The following PRKACB variants were observed in gnomAD, a reference collection of about 807,000 sequenced individuals.
The protein encoded by PRKACB is protein kinase cAMP-activated catalytic subunit beta.
A neutral mutation model predicts 51.4 loss-of-function variants in PRKACB; 16 were observed. The ratio of observed to expected loss-of-function variants is 0.31; its 90% confidence interval spans 0.21 to 0.47. PRKACB has a LOEUF of 0.47. PRKACB is among the 20% of genes least tolerant of loss of function. The pLI is 1.00. For missense variants in PRKACB, 309 were observed against 464.5 expected (o/e 0.67, Z 3.08); for synonymous variants, 147 against 154.4 (o/e 0.95, Z 0.35).
chr1:84,125,966 T>C (rs10874429), intron 1 of PRKACB, among the ~76,000 whole-genome samples: 71,159 of 150,890 alleles, frequency 0.47, 17,415 homozygotes, highest in Non-Finnish European at 0.56. Flanking sequence ...CTCGCAGCTC[T>C]CATCCCCTCA....
chr1:84,104,953 A>T (rs1217262747), intron 1 of PRKACB, among the ~76,000 whole-genome samples: 1 of 152,166 alleles, frequency 6.6e-6, no homozygotes, highest in African/African-American at 2.4e-5. Flanking sequence ...TAGAGTAATT[A>T]TATAATTGGA....
intron 1 of PRKACB, among the ~76,000 whole-genome samples, chr1:84,088,664 CT>C (rs919372060): frequency 6.6e-6 from 1 of 152,144 alleles, no homozygotes; most frequent in African/African-American, 2.4e-5. Flanking sequence ...AGGCTGTAGT[CT>C]TTAGGTCATG....
intron 1 of PRKACB, among the ~76,000 whole-genome samples, chr1:84,130,989 T>G (rs1416739393): frequency 6.6e-6 from 1 of 152,134 alleles, no homozygotes; most frequent in South Asian, 2.1e-4. Flanking sequence ...CGGAAACAAC[T>G]AATAATATGA....
chr1:84,102,677 C>T (rs554651309), intron 1 of PRKACB, among the ~76,000 whole-genome samples: 8 of 152,184 alleles, frequency 5.3e-5, no homozygotes, highest in South Asian at 4.1e-4. Flanking sequence ...AAAAAGTGTA[C>T]GGGCCCTCAC....
At chr1:84,109,127 T>C (rs963742624) in intron 1 of PRKACB, among the ~76,000 whole-genome samples, 6 of 152,142 alleles carry the variant, frequency 3.9e-5, no homozygotes, top group Admixed American at 3.3e-4. Flanking sequence ...TGTGTGAATA[T>C]GTCACAGTTT....
At chr1:84,153,105 G>C (rs1249671858) in intron 1 of PRKACB, among the ~76,000 whole-genome samples, 2 of 152,054 alleles carry the variant, frequency 1.3e-5, no homozygotes, top group Admixed American at 6.6e-5. Context: ...AGGAGAGGGA[G>C]AGAAATGGGG....
At chr1:84,169,634 T>C (rs1164515523) in intron 1 of PRKACB, among the ~76,000 whole-genome samples, 1 of 151,508 alleles carries the variant, frequency 6.6e-6, no homozygotes, top group Non-Finnish European at 1.5e-5. Context: ...AAGGACATTT[T>C]ACAAATTGAA....
intron 9 of PRKACB, among the ~76,000 whole-genome samples, chr1:84,226,730 T>A (rs1374598508): frequency 6.6e-6 from 1 of 152,198 alleles, no homozygotes; most frequent in Non-Finnish European, 1.5e-5. Flanking sequence ...TATATTAGAA[T>A]GTCTAAAACA....
At chr1:84,078,407 G>T in intron 1 of PRKACB, 1 of 1,601,424 alleles carries the variant, frequency 6.2e-7, no homozygotes, top group Non-Finnish European at 8.5e-7. Context: ...TCCGCTGGGC[G>T]GGCCGGCGCG....
chr1:84,232,553 T>C (rs981551128), intron 9 of PRKACB, among the ~76,000 whole-genome samples: 6 of 152,056 alleles, frequency 3.9e-5, no homozygotes, highest in Admixed American at 1.3e-4. Context: ...GTCTAAGTCT[T>C]TTTGTAGGTC....
intron 9 of PRKACB, among the ~76,000 whole-genome samples, chr1:84,232,837 G>A (rs550743885): frequency 1.3e-5 from 2 of 152,254 alleles, no homozygotes; most frequent in Non-Finnish European, 2.9e-5. Flanking sequence ...CCTGAATACA[G>A]CATACTGATG....
At chr1:84,110,397 T>C (rs1650128750) in intron 1 of PRKACB, among the ~76,000 whole-genome samples, 1 of 151,838 alleles carries the variant, frequency 6.6e-6, no homozygotes, top group Non-Finnish European at 1.5e-5. Context: ...TATATATATA[T>C]ACTTGAGTTT....
At chr1:84,140,358 C>T (rs1180104633), upstream of PRKACB, among the ~76,000 whole-genome samples, 1 of 152,036 alleles carries the variant, frequency 6.6e-6, no homozygotes, top group Admixed American at 6.6e-5. Context: ...ATCACAATTG[C>T]CATACTATAC....
At chr1:84,080,444 C>T (rs1647433315) in intron 1 of PRKACB, among the ~76,000 whole-genome samples, 1 of 151,964 alleles carries the variant, frequency 6.6e-6, no homozygotes, top group African/African-American at 2.4e-5. Context: ...TTTTGTGTAA[C>T]TTTATTTATG....
At position 84,179,245 on chromosome 1, in the gene PRKACB, A is replaced by T. The variant is rs1342542111; in HGVS notation, c.249+7A>T. The T allele has an allele frequency of 6.4e-7, 1 of 1,560,430 alleles. No homozygotes were observed. Among genetic ancestry groups the T allele is most frequent in the Non-Finnish European group, 8.6e-7 (1 of 1,156,324 alleles). On this transcript the variant is annotated splice_region_variant and intron_variant, in intron 2 of 9. Coordinates refer to ENST00000370685, the MANE Select transcript of PRKACB (RefSeq NM_182948.4). ...ATGGGAGAATCCAACTCAGGTAAGG[A>T]ATATTTAGATTTTTCTAAAATTAAA...
intron 8 of PRKACB, among the ~76,000 whole-genome samples, chr1:84,203,157 T>C (rs1297076495): frequency 2.0e-5 from 3 of 152,056 alleles, no homozygotes; most frequent in Non-Finnish European, 2.9e-5. Context: ...CTGTTTTATA[T>C]GCCCTTCCAT....
chr1:84,191,082 G>A (rs116421901), intron 5 of PRKACB, among the ~76,000 whole-genome samples: 350 of 152,172 alleles, frequency 2.3e-3, no homozygotes, highest in African/African-American at 7.9e-3. Context: ...TGATTGCTTT[G>A]CAGACTTGAT....
intron 1 of PRKACB, among the ~76,000 whole-genome samples, chr1:84,113,613 A>G (rs1650403725): frequency 6.6e-6 from 1 of 152,232 alleles, no homozygotes; most frequent in Non-Finnish European, 1.5e-5. Context: ...AGTGGCAACA[A>G]TTGGTGAGTA....
At chr1:84,155,243 A>G (rs1412538518) in intron 1 of PRKACB, among the ~76,000 whole-genome samples, 1 of 152,174 alleles carries the variant, frequency 6.6e-6, no homozygotes, top group Non-Finnish European at 1.5e-5. Flanking sequence ...ACAATGAACT[A>G]TGGAAAAAAG....
Sources: allele counts gnomAD v4.1 joint callset (sites outside exome capture counted in the v4.1 genomes callset), GRCh38; gene constraint gnomAD v4.1.1; transcripts MANE v1.5; gene names NCBI Gene and HGNC (gene_info 2026-07-23, HGNC 2026-07-21).